Variants in EXOC2 observed in about 807,000 individuals in gnomAD.
EXOC2 encodes SEC5-like 1.
Under a neutral mutation model 131.8 loss-of-function variants are expected in EXOC2, and 70 were observed. The ratio of observed to expected loss-of-function variants is 0.53; its 90% CI spans 0.44 to 0.65. The LOEUF is 0.65. Among genes scored for constraint, EXOC2 ranks in the 30% least tolerant of loss-of-function variants. The probability of loss-of-function intolerance (pLI) is 0.00; values close to 1 mark genes in which losing one functional copy is unlikely to be tolerated. For synonymous variants in EXOC2, 411 were observed against 398.4 expected (o/e 1.03, Z -0.38); for missense variants, 923 against 1,108.6 (o/e 0.83, Z 2.38).
rs777304102 is a variant in EXOC2, at chr6:599,074, C to T, written c.888+6G>A. The stretch of plus-strand genomic sequence containing the variant: ...CCATATGTAAATAAATAAACATGTA[C>T]TCTACCTTTTGAATATTCCTTTCAA... On this transcript the variant is annotated splice_donor_region_variant and intron_variant, in intron 8 of 27. Coordinates refer to ENST00000230449, the MANE Select transcript of EXOC2 (RefSeq NM_018303.6). 1.3e-5 allele frequency: 21 copies of T among 1,607,066 alleles called. No homozygotes were observed. The highest frequency in any genetic ancestry group is 1.8e-5 in the Non-Finnish European group (21 of 1,176,088).
intron 13 of EXOC2, among the ~76,000 whole-genome samples, chr6:566,838 A>G (rs934160154): frequency 6.6e-6 from 1 of 152,104 alleles, no homozygotes; most frequent in East Asian, 1.9e-4. Context: ...AGGAATCTCA[A>G]TCTACCACAT....
chr6:662,675 T>C (rs1046452038), intron 1 of EXOC2, among the ~76,000 whole-genome samples: 3 of 152,150 alleles, frequency 2.0e-5, no homozygotes, highest in African/African-American at 4.8e-5. Flanking sequence ...GGAAAGTTCA[T>C]AGCCCCAAGC....
chr6:615,845 G>C (rs561761972), intron 6 of EXOC2, among the ~76,000 whole-genome samples: 2 of 152,084 alleles, frequency 1.3e-5, no homozygotes, highest in Non-Finnish European at 2.9e-5. Context: ...TTTGAATCTT[G>C]ATTTGGACAT....
chr6:692,321 A>G (rs746261027), intron 1 of EXOC2, among the ~76,000 whole-genome samples: 5 of 152,208 alleles, frequency 3.3e-5, no homozygotes, highest in Non-Finnish European at 7.4e-5. Flanking sequence ...CGGAATTACT[A>G]AAGTGTTTTC....
In EXOC2 at chr6:667,624, A is replaced by C. The variant is rs1763674722; in HGVS notation, c.-44+25395T>G. 2.1e-5 allele frequency among the ~76,000 whole-genome samples: 2 copies of C among 96,946 alleles called. 1 individual carries two copies. The highest frequency in any genetic ancestry group is 2.3e-4 in the Admixed American group (2 of 8,718). 63.6% of individuals were successfully genotyped at this position (96,946 alleles called of 152,430 possible). A position where few individuals can be genotyped will look rare whatever the true frequency, so the allele number is the denominator to read the frequency against. On this transcript the variant is annotated intron_variant, in intron 1 of 27. Coordinates refer to ENST00000230449, the MANE Select transcript of EXOC2 (RefSeq NM_018303.6). ...CTTTTCCTGCTCTTGAATCACCAGA[A>C]TGCCACGGTCTTCTGAGCTTTGGAT...
rs1359086860 is a variant in EXOC2, at chr6:562,864, A to G, written c.1790-19T>C. On this transcript the variant is annotated intron_variant, in intron 16 of 27. Coordinates refer to ENST00000230449, the MANE Select transcript of EXOC2 (RefSeq NM_018303.6). ...TTTATTTCTATATGAGAAGAAGCAC[A>G]CAAATACTTTATTATAATTATCTCA... The G allele has an allele frequency of 2.6e-6, 4 of 1,533,968 alleles. No homozygotes were observed. The South Asian group carries it at 3.8e-5, about 15-fold the overall frequency.
intron 2 of EXOC2, among the ~76,000 whole-genome samples, chr6:636,005 G>A (rs1240780306): frequency 6.6e-6 from 1 of 152,282 alleles, no homozygotes; most frequent in Non-Finnish European, 1.5e-5. Context: ...GGAGGTTGCA[G>A]TCAGCCAAGA....
intron 1 of EXOC2, among the ~76,000 whole-genome samples, chr6:687,643 C>G (rs1764724249): frequency 6.6e-6 from 1 of 152,162 alleles, no homozygotes; most frequent in African/African-American, 2.4e-5. Flanking sequence ...TGGATTTATT[C>G]AGTCAAATAA....
intron 1 of EXOC2, among the ~76,000 whole-genome samples, chr6:642,376 T>TA (rs1387697513): frequency 1.3e-5 from 2 of 152,178 alleles, no homozygotes; most frequent in East Asian, 3.8e-4. Context: ...TGAACTGAAT[T>TA]AGAGGACATC....
chr6:543,893 G>T (rs1756692189), intron 22 of EXOC2, among the ~76,000 whole-genome samples: 3 of 152,130 alleles, frequency 2.0e-5, no homozygotes, highest in Admixed American at 2.0e-4. Context: ...CAGATCGAAG[G>T]TATCAGAATG....
At chr6:490,083 T>C (rs951180354) in intron 26 of EXOC2, among the ~76,000 whole-genome samples, 2 of 152,230 alleles carry the variant, frequency 1.3e-5, no homozygotes, top group Non-Finnish European at 2.9e-5. Flanking sequence ...TTTTGATTAA[T>C]TGAAAGAAAT....
At chr6:622,764 T>C (rs569839463) in intron 4 of EXOC2, among the ~76,000 whole-genome samples, 12 of 152,184 alleles carry the variant, frequency 7.9e-5, no homozygotes, top group Admixed American at 2.0e-4. Context: ...AATGCTTAAA[T>C]TGGTGGTACT....
Position 555,211 on chromosome 6 carries a change from T to C in EXOC2, c.2054+16A>G, listed in dbSNP as rs779116947. ...CTCTTAAATGCATTAATGAGATTAA[T>C]TTAATTTTTACTTACTGTGTAGTAT... On this transcript the variant is annotated intron_variant, in intron 20 of 27. Transcript: ENST00000230449. 2 of 1,440,464 alleles carry C rather than the reference T, an allele frequency of 1.4e-6. No individual in the cohort carries two copies. Among genetic ancestry groups the C allele is most frequent in the South Asian group, 1.7e-5 (1 of 59,670 alleles). The allele number at this position is 1,440,464 out of a possible 1,614,324, so 89.2% of individuals were successfully genotyped here. A position where few individuals can be genotyped will look rare whatever the true frequency, so the allele number is the denominator to read the frequency against.
intron 16 of EXOC2, among the ~76,000 whole-genome samples, chr6:563,413 C>A (rs576668390): frequency 6.6e-6 from 1 of 152,314 alleles, no homozygotes; most frequent in South Asian, 2.1e-4. Context: ...GTATCGCCCA[C>A]CAATTTTGCA....
intron 23 of EXOC2, among the ~76,000 whole-genome samples, chr6:507,898 G>A (rs972558565): frequency 2.6e-5 from 4 of 152,130 alleles, no homozygotes; most frequent in African/African-American, 4.8e-5. Context: ...CCAAGTCTTC[G>A]TCCTTAATTT....
intron 1 of EXOC2, among the ~76,000 whole-genome samples, chr6:687,334 C>T (rs995353930): frequency 9.2e-5 from 14 of 151,898 alleles, no homozygotes; most frequent in African/African-American, 3.1e-4. Context: ...ACATGTACCA[C>T]CACACTCGGC....
At chr6:686,213 C>T (rs990936624) in intron 1 of EXOC2, among the ~76,000 whole-genome samples, 1 of 151,936 alleles carries the variant, frequency 6.6e-6, no homozygotes, top group Non-Finnish European at 1.5e-5. Flanking sequence ...TCGCCCTCCT[C>T]GGCCTCCCAA....
chr6:589,097 T>A (rs563553751), intron 11 of EXOC2, among the ~76,000 whole-genome samples: 1 of 152,378 alleles, frequency 6.6e-6, no homozygotes, highest in Admixed American at 6.5e-5. Flanking sequence ...TCAGTTTGTT[T>A]CCTGAAAGTA....
At chr6:680,541 G>A (rs1478503956) in intron 1 of EXOC2, among the ~76,000 whole-genome samples, 1 of 152,098 alleles carries the variant, frequency 6.6e-6, no homozygotes, top group East Asian at 1.9e-4. Context: ...TTTTAGAAAC[G>A]TAGGTAGGCC....
Sources: gnomAD v4.1 joint callset for allele counts (sites outside exome capture counted in the v4.1 genomes callset) on GRCh38, gnomAD v4.1.1 for gene constraint, MANE v1.5 for transcripts, NCBI Gene and HGNC (gene_info 2026-07-23, HGNC 2026-07-21) for gene names.